MTERF4: variants seen among roughly 807,000 people sequenced by gnomAD.
MTERF4 encodes the protein mitochondrial transcription termination factor 4.
In MTERF4, 17 loss-of-function variants were observed where a neutral mutation model predicts 22.5. That is an observed-to-expected ratio of 0.75 (90% CI 0.52 to 1.13). MTERF4 has a LOEUF of 1.13. Among genes scored for constraint, MTERF4 ranks in the 50% most tolerant of loss-of-function variants. The pLI is 0.00. For synonymous variants in MTERF4, 165 were observed against 175.3 expected (o/e 0.94, Z 0.47); for missense variants, 420 against 466.8 (o/e 0.90, Z 0.92).
chr2:241,100,662 C>A (rs184402428), intron 1 of MTERF4, among the ~76,000 whole-genome samples: 1 of 152,054 alleles, frequency 6.6e-6, no homozygotes, highest in Non-Finnish European at 1.5e-5. Flanking sequence ...GGGTTTTGCC[C>A]TTATGATTTT....
chr2:241,068,036 C>T (rs1178860882), downstream of MTERF4: 17 of 1,214,062 alleles, frequency 1.4e-5, no homozygotes, highest in East Asian at 2.5e-4. This position sits in a 1 kb window ranked among gnomAD's most constrained non-coding sequence, Gnocchi z 5.3. Flanking sequence ...GCACATTCTC[C>T]GTGTGTGGAC....
intron 2 of MTERF4, among the ~76,000 whole-genome samples, chr2:241,098,824 C>G (rs1213865332): frequency 6.6e-6 from 1 of 152,218 alleles, no homozygotes; most frequent in Admixed American, 6.5e-5. Context: ...CACCACTGCA[C>G]TAGGTGCTGA....
the MTERF4 span, chr2:241,049,839 G>A: frequency 6.2e-7 from 1 of 1,613,750 alleles, no homozygotes; most frequent in Admixed American, 1.7e-5. Context: ...CCTGCGACTC[G>A]GACCCCTGCT....
At chr2:241,059,679 C>G in the MTERF4 span, among the ~76,000 whole-genome samples, 17 of 152,182 alleles carry the variant, frequency 1.1e-4, no homozygotes, top group Non-Finnish European at 1.5e-5. Context: ...AAAGAGAAAA[C>G]TATATATCTC....
At chr2:241,056,706 G>A in the MTERF4 span, among the ~76,000 whole-genome samples, 1 of 149,196 alleles carries the variant, frequency 6.7e-6, no homozygotes, top group East Asian at 2.0e-4. Flanking sequence ...TCAGCCTCCC[G>A]AGTAGCTGGG....
downstream of MTERF4, among the ~76,000 whole-genome samples, chr2:241,090,868 CAAAA>C (rs371271027): frequency 4.0e-5 from 4 of 100,782 alleles, no homozygotes; most frequent in Non-Finnish European, 4.2e-5. Context: ...CCCTCTGTCT[CAAAA>C]AAAAAAAAAA....
downstream of MTERF4, among the ~76,000 whole-genome samples, chr2:241,083,310 G>C (rs891058357): frequency 2.6e-5 from 4 of 152,196 alleles, no homozygotes; most frequent in Non-Finnish European, 2.9e-5. Context: ...GAGAAGTGGA[G>C]AGTGGTGAGA....
At chr2:241,087,814 T>C (rs1007647086), downstream of MTERF4, 18 of 696,904 alleles carry the variant, frequency 2.6e-5, no homozygotes, top group Non-Finnish European at 3.1e-5. Context: ...CGTCGCTCTT[T>C]ACTTTTTATT....
intron 1 of MTERF4, chr2:241,100,139 A>T: frequency 2.2e-6 from 1 of 457,474 alleles, no homozygotes; most frequent in Non-Finnish European, 3.8e-6. Context: ...TTGCAGCTTT[A>T]AGGATGGGAG....
intron 3 of MTERF4, 152 bp downstream of exon 3, chr2:241,097,091 A>G: frequency 2.3e-6 from 2 of 851,084 alleles, no homozygotes; most frequent in South Asian, 3.5e-5. Context: ...TCTTATCCAT[A>G]TAACTGACCT....
At chr2:241,102,070 C>T (rs2064737186) in intron 1 of MTERF4, 183 bp downstream of exon 1, 1 of 731,782 alleles carries the variant, frequency 1.4e-6, no homozygotes, top group African/African-American at 1.9e-5. Context: ...AAAATGTCAA[C>T]TCTATATCCC....
At chr2:241,087,340 G>T (rs2063635384), downstream of MTERF4, 5 of 1,531,348 alleles carry the variant, frequency 3.3e-6, no homozygotes, top group Non-Finnish European at 4.4e-6. Context: ...TTAAGCAGTT[G>T]GCAACATTTT....
At chr2:241,088,792 G>A (rs11902404), downstream of MTERF4, 5,966 of 252,058 alleles carry the variant, frequency 0.024, 345 homozygotes, top group African/African-American at 0.12. Context: ...CACGGGCAGC[G>A]GGAGGGCCTG....
At chr2:241,047,487 A>C in the MTERF4 span, among the ~76,000 whole-genome samples, 1 of 152,334 alleles carries the variant, frequency 6.6e-6, no homozygotes, top group East Asian at 1.9e-4. Flanking sequence ...GGCTTGGCCT[A>C]CTTGGCATTT....
At chr2:241,090,572 G>T (rs2063884823), downstream of MTERF4, 2 of 1,128,634 alleles carry the variant, frequency 1.8e-6, no homozygotes, top group Admixed American at 6.0e-5. Flanking sequence ...AGTGCAGTAG[G>T]TTTGTATACA....
chr2:241,084,848 A>G (rs10169241), downstream of MTERF4, among the ~76,000 whole-genome samples: 41 of 150,418 alleles, frequency 2.7e-4, no homozygotes, highest in African/African-American at 9.5e-4. Context: ...GTCTGAAACT[A>G]TTTTTTTTTC....
the MTERF4 span, chr2:241,049,945 A>C: frequency 1.2e-6 from 2 of 1,605,516 alleles, no homozygotes; most frequent in Non-Finnish European, 1.7e-6. Flanking sequence ...TATGGCGGGC[A>C]GGGGCGTCCG....
chr2:241,066,499 G>T, the MTERF4 span, among the ~76,000 whole-genome samples: 2 of 152,216 alleles, frequency 1.3e-5, no homozygotes, highest in African/African-American at 2.4e-5. Context: ...AGGGCCATGG[G>T]GCCATGGGAC....
the MTERF4 span, among the ~76,000 whole-genome samples, chr2:241,045,000 C>T: frequency 4.6e-5 from 7 of 152,112 alleles, no homozygotes; most frequent in Non-Finnish European, 7.4e-5. Context: ...TCCTGAGCTC[C>T]CCCAAGTTGA....
Sources: allele counts gnomAD v4.1 joint callset (sites outside exome capture counted in the v4.1 genomes callset), GRCh38; gene constraint gnomAD v4.1.1; non-coding constraint Gnocchi (gnomAD v3.1); transcripts MANE v1.5; gene names NCBI Gene and HGNC (gene_info 2026-07-23, HGNC 2026-07-21).